The following DSC2 variants were observed in gnomAD, a reference collection of about 807,000 sequenced individuals.
DSC2 encodes the protein desmocollin-2.
Under a neutral mutation model 87.6 loss-of-function variants are expected in DSC2, and 51 were observed. That is an observed-to-expected ratio of 0.58 (90% confidence interval 0.46 to 0.74). DSC2 has a LOEUF of 0.74. DSC2 is among the 30% of genes least tolerant of loss of function. The pLI is 0.00. For missense variants in DSC2, 1,066 were observed against 1,089.5 expected, an observed-to-expected ratio of 0.98 and a Z score of 0.30; for synonymous variants, 383 against 393.2, an observed-to-expected ratio of 0.97 and a Z score of 0.31.
At chr18:31,093,687 A>T in intron 1 of DSC2, 44 bp from the exon 2 acceptor site, 6 of 1,312,380 alleles carry the variant, frequency 4.6e-6, no homozygotes, top group Non-Finnish European at 6.3e-6. Context: ...GCATAAAAAG[A>T]AAACTTTAAT....
Position 31,066,294 on chromosome 18 carries a change from C to A in DSC2, c.*1721G>T, listed in dbSNP as rs1986616742. The A allele has an allele frequency of 6.6e-6, 1 of 152,148 alleles. No individual in the cohort carries two copies. The highest frequency in any genetic ancestry group is 1.5e-5 in the Non-Finnish European group (1 of 68,002). The allele number at this position is 152,148 out of a possible 1,614,324, so 9.4% of individuals were successfully genotyped here. ...GGAATCTAAGGAAGGGGTCTTACTT[C>A]TCTGATTCAGGGAGTGCGAAATCCC... On this transcript the variant is annotated 3_prime_UTR_variant, in exon 16 of 16. Coordinates refer to ENST00000280904, the MANE Select transcript of DSC2 (RefSeq NM_024422.6).
At chr18:31,095,380 T>G (rs1260234475) in intron 1 of DSC2, among the ~76,000 whole-genome samples, 1 of 152,088 alleles carries the variant, frequency 6.6e-6, no homozygotes, top group Non-Finnish European at 1.5e-5. Context: ...TTGTTCTGAG[T>G]GCAAAGAGAA....
Position 31,079,922 on chromosome 18 carries a change from A to G in DSC2, c.1588T>C (p.Phe530Leu), listed in dbSNP as rs939273596. 1.2e-6 allele frequency: 2 copies of G among 1,614,000 alleles called. No homozygotes were observed. The highest frequency in any genetic ancestry group is 1.7e-6 in the Non-Finnish European group (2 of 1,179,944). Residue 530 changes from phenylalanine (F) to leucine (L), a missense_variant, in exon 11 of 16, where the codon TTC becomes CTC. Physicochemically the swap from Phe to Leu is conservative, Grantham distance 22. Transcript: ENST00000280904. The part of the protein sequence containing the change: ...IDENTGSIKV[F>L]RSLDREAETI... Reference sequence around the variant, plus strand: ...TCTGCCTCTCTATCCAGGCTTCTGAAAACTTTGATTGATCCTGTATTTTCA... The same window carrying G: ...TCTGCCTCTCTATCCAGGCTTCTGAGAACTTTGATTGATCCTGTATTTTCA...
chr18:31,075,835 A>T (rs1315539207), intron 11 of DSC2, among the ~76,000 whole-genome samples: 1 of 152,076 alleles, frequency 6.6e-6, no homozygotes, highest in African/African-American at 2.4e-5. Context: ...GGACAACAAA[A>T]GTGAAACTCC....
At chr18:31,076,008 A>C (rs1987005002) in intron 11 of DSC2, among the ~76,000 whole-genome samples, 1 of 152,194 alleles carries the variant, frequency 6.6e-6, no homozygotes, top group African/African-American at 2.4e-5. Context: ...GAAGTCTGAA[A>C]CTGAACACAA....
chr18:31,082,173 A>C (rs1413077587), intron 9 of DSC2, 65 bp downstream of exon 9: 1 of 1,475,322 alleles, frequency 6.8e-7, no homozygotes, highest in East Asian at 2.3e-5. Context: ...CTTTCTTTCC[A>C]TTAAATTCTA....
rs539635416 is a variant in DSC2 at position 31,094,633 on chromosome 18, A to T, written c.70-990T>A. 2.0e-3 allele frequency among the ~76,000 whole-genome samples: 298 copies of T among 152,354 alleles called. 1 individual carries two copies. The highest frequency in any genetic ancestry group is 7.0e-3 in the African/African-American group (290 of 41,586). ...AACTAGCATTTACACTGTTACTTAC[A>T]AAGTTTATAAATATAAACTAAAATC... On this transcript the variant is annotated intron_variant, in intron 1 of 15. Transcript: ENST00000280904.
intron 1 of DSC2, chr18:31,101,092 C>T: frequency 1.5e-6 from 1 of 660,990 alleles, no homozygotes; most frequent in Non-Finnish European, 1.9e-6. Flanking sequence ...GCGCGGGGGG[C>T]GGGTGGTGAG....
intron 3 of DSC2, 34 bp downstream of exon 3, chr18:31,092,067 G>T (rs1199571512): frequency 3.2e-6 from 5 of 1,577,808 alleles, no homozygotes; most frequent in South Asian, 1.1e-5. Context: ...CTGAAGAAAA[G>T]ATATCATTTC....
Position 31,080,205 on chromosome 18 carries a change from A to T in DSC2, c.1411T>A (p.Cys471Ser), listed in dbSNP as rs765106671. The change falls in exon 10 of 16, where the codon TGT becomes AGT. Residue 471 changes from cysteine (C) to serine (S), a missense_variant. Coordinates refer to ENST00000280904, the MANE Select transcript of DSC2 (RefSeq NM_024422.6). ...NVEDQDEGPE[C>S]NPPIQTVRMK... ...CGAACAGTCTGTATTGGAGGGTTACACTCAGGGCCCTCATCCTGATCTTCT... is the reference window on the plus strand; with the variant it reads ...CGAACAGTCTGTATTGGAGGGTTACTCTCAGGGCCCTCATCCTGATCTTCT... 1 of 1,614,028 alleles carries T rather than the reference A, an allele frequency of 6.2e-7. No homozygotes were observed. Among genetic ancestry groups the T allele is most frequent in the South Asian group, 1.1e-5 (1 of 91,088 alleles).
chr18:31,092,025 T>G lies in DSC2; in HGVS notation c.354+76A>C, dbSNP rs928313081. 9 of 1,465,164 alleles carry G rather than the reference T, an allele frequency of 6.1e-6. No homozygotes were observed. In the South Asian group the frequency reaches 1.1e-4, roughly 18 times the overall value. 90.8% of individuals were successfully genotyped at this position (1,465,164 alleles called of 1,614,324 possible). On this transcript the variant is annotated intron_variant, in intron 3 of 15. Transcript: ENST00000280904. ...CCAAACTATACCATATCCTTTCTGATTTCATATCTTCCCTGGTAATGTTGA... is the reference window on the plus strand; with the variant it reads ...CCAAACTATACCATATCCTTTCTGAGTTCATATCTTCCCTGGTAATGTTGA...
intron 13 of DSC2, among the ~76,000 whole-genome samples, chr18:31,071,093 TTC>T (rs527701052): frequency 1.4e-3 from 220 of 152,186 alleles, no homozygotes; most frequent in African/African-American, 4.9e-3. Context: ...ATGTTACATG[TTC>T]TGTTTCTACA....
chr18:31,066,218 GCACTGAAAATGTCTC>G lies in DSC2; in HGVS notation c.*1782_*1796del, dbSNP rs1189856649. The G allele has an allele frequency of 6.6e-6, 1 of 152,042 alleles. No homozygotes were observed. The highest frequency in any genetic ancestry group is 1.9e-4 in the East Asian group (1 of 5,186). The allele number at this position is 152,042 out of a possible 1,614,324, so 9.4% of individuals were successfully genotyped here. A position where few individuals can be genotyped will look rare whatever the true frequency, so the allele number is the denominator to read the frequency against. ...ATTATATAAATATGGCAATAACAAT[GCACTGAAAATGTCTC>G]CAAAACAAACTCTACATTTTAAAAA... is the stretch of plus-strand genomic sequence containing the variant. On this transcript the variant is annotated 3_prime_UTR_variant, in exon 16 of 16. Coordinates refer to ENST00000280904, the MANE Select transcript of DSC2 (RefSeq NM_024422.6).
At position 31,068,007 on chromosome 18, in the gene DSC2, G is replaced by T. The variant is rs779593938; in HGVS notation, c.*8C>A. 1 of 1,613,260 alleles carries T rather than the reference G, an allele frequency of 6.2e-7. No individual in the cohort carries two copies. The highest frequency in any genetic ancestry group is 1.1e-5 in the South Asian group (1 of 91,028). Reference sequence around the variant, plus strand: ...GCCACTGGCTTTCAGAGACTTATTAGAACACACTCATCTCTTCATGCATGC... The same window carrying T: ...GCCACTGGCTTTCAGAGACTTATTATAACACACTCATCTCTTCATGCATGC... On this transcript the variant is annotated 3_prime_UTR_variant, in exon 16 of 16. Coordinates refer to ENST00000280904, the MANE Select transcript of DSC2 (RefSeq NM_024422.6).
intron 15 of DSC2, chr18:31,068,431 GGCA>G: frequency 7.3e-7 from 1 of 1,369,758 alleles, no homozygotes; most frequent in Admixed American, 1.7e-5. Flanking sequence ...TCACGCATGT[GGCA>G]GCAAGTATAC....
intron 1 of DSC2, among the ~76,000 whole-genome samples, chr18:31,095,069 T>C (rs1987720740): frequency 6.6e-6 from 1 of 152,114 alleles, no homozygotes. Context: ...AAATGTCACA[T>C]AATGCCAAGG....
intron 1 of DSC2, among the ~76,000 whole-genome samples, chr18:31,095,601 C>T (rs921922467): frequency 1.3e-5 from 2 of 152,064 alleles, no homozygotes; most frequent in African/African-American, 4.8e-5. Flanking sequence ...TGGATTAAGA[C>T]AATTCTTTGA....
rs1987457396 is a variant in DSC2, at chr18:31,087,827, A to T, written c.631-14T>A. 5 of 1,613,226 alleles carry T rather than the reference A, an allele frequency of 3.1e-6. No individual in the cohort carries two copies. The highest frequency in any genetic ancestry group is 3.4e-6 in the Non-Finnish European group (4 of 1,179,474). Reference sequence around the variant, plus strand: ...AAAGGCAATTATCTGTGAAGAGAGTAAAATAAGGAGAAAAGTGAAAATAAT... The same window carrying T: ...AAAGGCAATTATCTGTGAAGAGAGTTAAATAAGGAGAAAAGTGAAAATAAT... On this transcript the variant is annotated splice_polypyrimidine_tract_variant and intron_variant, in intron 5 of 15. Transcript: ENST00000280904.
Position 31,064,979 on chromosome 18 carries a change from C to T in DSC2, c.*3036G>A, listed in dbSNP as rs1986578851. 2 of 152,196 alleles carry T rather than the reference C, an allele frequency of 1.3e-5. No individual in the cohort carries two copies. Among genetic ancestry groups the T allele is most frequent in the South Asian group, 2.1e-4 (1 of 4,830 alleles). 9.4% of individuals were successfully genotyped at this position (152,196 alleles called of 1,614,324 possible). A position where few individuals can be genotyped will look rare whatever the true frequency, so the allele number is the denominator to read the frequency against. The stretch of plus-strand genomic sequence containing the variant: ...AATGATTACCAGGAGCCCCCAGACA[C>T]ACACTGCATGGAACAGAAGATCTTG... On this transcript the variant is annotated 3_prime_UTR_variant, in exon 16 of 16. Transcript: ENST00000280904.
Sources: allele counts gnomAD v4.1 joint callset (sites outside exome capture counted in the v4.1 genomes callset), GRCh38; gene constraint gnomAD v4.1.1; transcripts MANE v1.5; gene names NCBI Gene and HGNC (gene_info 2026-07-23, HGNC 2026-07-21).